ATP11B: variants seen among roughly 807,000 people sequenced by gnomAD.
ATP11B encodes the protein phospholipid-transporting ATPase IF.
In ATP11B, 81 loss-of-function variants were observed where a neutral mutation model predicts 157.8. The ratio of observed to expected loss-of-function variants is 0.51; its 90% CI spans 0.43 to 0.62. ATP11B has a LOEUF of 0.62. ATP11B is among the 20% of genes least tolerant of loss of function. The probability of loss-of-function intolerance (pLI) is 0.00; values close to 1 mark genes in which losing one functional copy is unlikely to be tolerated. For missense variants in ATP11B, 1,165 were observed against 1,402.2 expected (o/e 0.83, Z 2.70); for synonymous variants, 451 against 469.4 (o/e 0.96, Z 0.51).
At chr3:182,881,844 A>AT (rs1222270959) in intron 21 of ATP11B, among the ~76,000 whole-genome samples, 1 of 152,200 alleles carries the variant, frequency 6.6e-6, no homozygotes. Context: ...CCTACAGCGC[A>AT]TTTTAAAGAT....
At chr3:182,906,336 A>C (rs1265287183) in intron 28 of ATP11B, among the ~76,000 whole-genome samples, 1 of 152,186 alleles carries the variant, frequency 6.6e-6, no homozygotes, top group African/African-American at 2.4e-5. Context: ...ATACTGAATT[A>C]CTTATCTAAG....
chr3:182,834,291 A>G (rs1169978932), intron 4 of ATP11B, among the ~76,000 whole-genome samples: 2 of 152,234 alleles, frequency 1.3e-5, no homozygotes, highest in Non-Finnish European at 2.9e-5. Flanking sequence ...TGAAAACAGT[A>G]TACCTTCAAA....
At chr3:182,810,333 A>C (rs1716579677) in intron 1 of ATP11B, among the ~76,000 whole-genome samples, 1 of 152,236 alleles carries the variant, frequency 6.6e-6, no homozygotes, top group Non-Finnish European at 1.5e-5. Context: ...CTCCACCTCA[A>C]AATAAATAAA....
intron 11 of ATP11B, 76 bp from the exon 12 acceptor site, chr3:182,859,085 CT>C: frequency 9.6e-7 from 1 of 1,045,086 alleles, no homozygotes; most frequent in Non-Finnish European, 1.4e-6. Flanking sequence ...ATGAAACTTT[CT>C]GGTAATTTTC....
intron 4 of ATP11B, 119 bp downstream of exon 4, chr3:182,829,871 TG>T (rs1717996810): frequency 7.0e-7 from 1 of 1,422,988 alleles, no homozygotes. Flanking sequence ...GCAGCAAATT[TG>T]TCTGATACGT....
At chr3:182,824,646 T>C (rs1368547866) in intron 2 of ATP11B, among the ~76,000 whole-genome samples, 1 of 152,222 alleles carries the variant, frequency 6.6e-6, no homozygotes, top group African/African-American at 2.4e-5. Context: ...ACTGTCTCTG[T>C]ACACAGAAGT....
intron 10 of ATP11B, among the ~76,000 whole-genome samples, chr3:182,854,299 G>T (rs529503691): frequency 1.1e-3 from 167 of 152,128 alleles, no homozygotes; most frequent in Non-Finnish European, 1.9e-3. Context: ...GAGAAACCCT[G>T]TCTCTACTAA....
At chr3:182,859,707 A>G (rs1214769478) in intron 12 of ATP11B, among the ~76,000 whole-genome samples, 1 of 152,174 alleles carries the variant, frequency 6.6e-6, no homozygotes, top group African/African-American at 2.4e-5. Flanking sequence ...TATTTTTATT[A>G]ACATTATTAT....
intron 21 of ATP11B, among the ~76,000 whole-genome samples, chr3:182,883,677 C>T (rs111299663): frequency 0.14 from 20,367 of 149,176 alleles, 1,631 homozygotes; most frequent in African/African-American, 0.23. Flanking sequence ...CAGACTAGGC[C>T]GGGCGCGGTG....
chr3:182,905,976 G>T (rs1345233134), intron 28 of ATP11B: 1 of 411,634 alleles, frequency 2.4e-6, no homozygotes. Flanking sequence ...ATGCTTGGGG[G>T]GCATGTCATG....
chr3:182,914,841 C>G (rs1725037289), intron 29 of ATP11B: 3 of 985,326 alleles, frequency 3.0e-6, no homozygotes, highest in Non-Finnish European at 3.6e-6. Context: ...AGAGCTTTTT[C>G]CACACTTGGT....
intron 9 of ATP11B, among the ~76,000 whole-genome samples, chr3:182,848,189 C>A (rs1719686785): frequency 6.6e-6 from 1 of 152,178 alleles, no homozygotes; most frequent in South Asian, 2.1e-4. Flanking sequence ...TTTCCAGATT[C>A]TTTTCCTCTA....
intron 1 of ATP11B, among the ~76,000 whole-genome samples, chr3:182,806,008 A>G (rs1173725676): frequency 2.0e-5 from 3 of 152,148 alleles, no homozygotes; most frequent in African/African-American, 7.2e-5. Flanking sequence ...TTTCTTGCAT[A>G]CCACCTCTTT....
intron 2 of ATP11B, among the ~76,000 whole-genome samples, chr3:182,822,182 A>G (rs139127561): frequency 6.6e-6 from 1 of 151,806 alleles, no homozygotes; most frequent in South Asian, 2.1e-4. Context: ...GGTTTGTTAC[A>G]TATGTATACA....
Position 182,917,891 on chromosome 3 carries a change from G to T in ATP11B, c.3453-132G>T, listed in dbSNP as rs912153642. 2.9e-6 allele frequency: 4 copies of T among 1,372,720 alleles called. No individual in the cohort carries two copies. In the African/African-American group the frequency reaches 5.8e-5, roughly 20 times the overall value. 85.0% of individuals were successfully genotyped at this position (1,372,720 alleles called of 1,614,324 possible). A position where few individuals can be genotyped will look rare whatever the true frequency, so the allele number is the denominator to read the frequency against. On this transcript the variant is annotated intron_variant, in intron 29 of 29. Transcript: ENST00000323116. ...AAGTTTGGGCATTCGATACTAGTAT[G>T]AAGAACCTCTCTTTAGTATTTAAAT...
At chr3:182,888,231 T>C (rs1427316708) in intron 24 of ATP11B, among the ~76,000 whole-genome samples, 1 of 152,160 alleles carries the variant, frequency 6.6e-6, no homozygotes, top group African/African-American at 2.4e-5. Flanking sequence ...CTTATAGAGA[T>C]AGCTATTGAA....
intron 15 of ATP11B, among the ~76,000 whole-genome samples, chr3:182,868,876 A>G (rs1721437416): frequency 6.6e-6 from 1 of 152,152 alleles, no homozygotes; most frequent in Non-Finnish European, 1.5e-5. Flanking sequence ...AATACATGGC[A>G]TTTGGTAATT....
At chr3:182,884,118 G>A (rs2108563749) in intron 21 of ATP11B, among the ~76,000 whole-genome samples, 1 of 151,986 alleles carries the variant, frequency 6.6e-6, no homozygotes, top group South Asian at 2.1e-4. Flanking sequence ...CTTCTAGATT[G>A]AAAATAAAAA....
intron 2 of ATP11B, among the ~76,000 whole-genome samples, chr3:182,820,742 G>A (rs886989485): frequency 6.6e-6 from 1 of 152,100 alleles, no homozygotes; most frequent in Non-Finnish European, 1.5e-5. Flanking sequence ...GTGTGTGTGT[G>A]TATTTATTTA....
Sources: gnomAD v4.1 joint callset for allele counts (sites outside exome capture counted in the v4.1 genomes callset) on GRCh38, gnomAD v4.1.1 for gene constraint, MANE v1.5 for transcripts, NCBI Gene and HGNC (gene_info 2026-07-23, HGNC 2026-07-21) for gene names.